FILIP1L: variants seen among roughly 807,000 people sequenced by gnomAD.
FILIP1L encodes the protein filamin A-interacting protein 1-like.
A neutral mutation model predicts 96.6 loss-of-function variants in FILIP1L; 55 were observed. That is an observed-to-expected ratio of 0.57 (90% CI 0.46 to 0.71). The LOEUF (loss-of-function observed/expected upper bound fraction) is 0.71. Among genes scored for constraint, FILIP1L ranks in the 30% least tolerant of loss-of-function variants. The probability of loss-of-function intolerance (pLI) is 0.00; values close to 1 mark genes in which losing one functional copy is unlikely to be tolerated. For missense variants in FILIP1L, 1,304 were observed against 1,321.2 expected (o/e 0.99, Z 0.20); for synonymous variants, 467 against 473.9 (o/e 0.99, Z 0.19).
Position 100,009,167 on chromosome 3 carries a change from C to T in FILIP1L, c.-10-78137G>A, listed in dbSNP as rs538620637. The stretch of plus-strand genomic sequence containing the variant: ...GTGCAAGTGACTGAACTTACTGAGG[C>T]CTGTTTCAATTTGATCACTCAAAGC... On this transcript the variant is annotated intron_variant, in intron 1 of 5. Coordinates refer to ENST00000477258, the MANE Select transcript of FILIP1L (RefSeq NM_001387850.1). 2.5e-4 allele frequency among the ~76,000 whole-genome samples: 38 copies of T among 152,262 alleles called. No individual in the cohort carries two copies. In the South Asian group the frequency reaches 6.8e-3, roughly 27 times the overall value.
At chr3:99,845,780 A>AC (rs1179187180) in intron 5 of FILIP1L, among the ~76,000 whole-genome samples, 4 of 152,114 alleles carry the variant, frequency 2.6e-5, no homozygotes, top group Admixed American at 6.5e-5. Flanking sequence ...CACTTGTAAT[A>AC]ATCTACACGT....
chr3:99,844,435 TTAA>T (rs772487157), intron 5 of FILIP1L, among the ~76,000 whole-genome samples: 3 of 152,170 alleles, frequency 2.0e-5, no homozygotes, highest in Non-Finnish European at 4.4e-5. Context: ...GAAAAAAATC[TTAA>T]TAACAGAAAC....
chr3:99,917,159 C>G (rs1331348264), intron 4 of FILIP1L, among the ~76,000 whole-genome samples: 2 of 152,112 alleles, frequency 1.3e-5, no homozygotes, highest in Non-Finnish European at 1.5e-5. Flanking sequence ...AGAGTATTTA[C>G]TGTATGTCCT....
chr3:99,939,119 T>G (rs914713586), intron 1 of FILIP1L, among the ~76,000 whole-genome samples: 6 of 152,212 alleles, frequency 3.9e-5, no homozygotes, highest in African/African-American at 1.4e-4. Flanking sequence ...TTCTAAGTCC[T>G]AAGAGAAAGT....
At chr3:99,964,319 C>T (rs1322214875) in intron 1 of FILIP1L, 1 of 149,660 alleles carries the variant, frequency 6.7e-6, no homozygotes, top group Admixed American at 6.6e-5. Context: ...TTCTCCCTAG[C>T]CCAGTACAAG....
chr3:99,979,918 G>A lies in FILIP1L; in HGVS notation c.-10-48888C>T, dbSNP rs188641263. ...AGCGGGACAAAGTGCTGTGAAGGGT[G>A]AGGTAGGAGAACTAATTTGTGGTTA... On this transcript the variant is annotated intron_variant, in intron 1 of 5. Transcript: ENST00000477258. Among the ~76,000 whole-genome samples, 565 of 152,324 alleles carry A rather than the reference G, an allele frequency of 3.7e-3. 3 individuals are homozygous for A. Among genetic ancestry groups the A allele is most frequent in the African/African-American group, 0.013 (537 of 41,570 alleles).
At chr3:99,910,866 TCAAA>T (rs577030088) in intron 4 of FILIP1L, among the ~76,000 whole-genome samples, 165 of 152,280 alleles carry the variant, frequency 1.1e-3, no homozygotes, top group African/African-American at 3.8e-3. Flanking sequence ...GGGCCCAAAC[TCAAA>T]CAATGGCCAA....
rs1490590619 is a variant in FILIP1L, at chr3:99,830,569, T to A, written c.3418A>T (p.Ile1140Phe). 4 of 456,576 alleles carry A rather than the reference T, an allele frequency of 8.8e-6. No homozygotes were observed. Among genetic ancestry groups the A allele is most frequent in the Non-Finnish European group, 1.8e-5 (4 of 226,976 alleles). The allele number at this position is 456,576 out of a possible 1,614,324, so 28.3% of individuals were successfully genotyped here. ...ATGCCTGTAGATTTCGGTTTAGGGA[T>A]CCGTGCTGGGATTCTCTGCTTGCAT... Reference protein sequence around the residue: ...EVCKQRIPARIPKPKSTGITK... With the variant: ...EVCKQRIPARFPKPKSTGITK... Residue 1140 changes from isoleucine to phenylalanine, a missense_variant, in exon 6 of 6, where the codon ATC becomes TTC. Ile to Phe is a conservative substitution (Grantham distance 21). Coordinates refer to ENST00000477258, the MANE Select transcript of FILIP1L (RefSeq NM_001387850.1).
chr3:99,989,250 G>A (rs1314785527), intron 1 of FILIP1L, among the ~76,000 whole-genome samples: 1 of 152,150 alleles, frequency 6.6e-6, no homozygotes, highest in East Asian at 1.9e-4. Flanking sequence ...TCTGATTCCT[G>A]CTTTATATGC....
rs1386773283 is a variant in FILIP1L, at chr3:100,066,605, C to T, written c.-11+47448G>A. Among the ~76,000 whole-genome samples the T allele has an allele frequency of 9.7e-4, 85 of 87,430 alleles. 9 individuals carry two copies. Among genetic ancestry groups the T allele is most frequent in the Non-Finnish European group, 2.0e-3 (79 of 39,364 alleles). 57.4% of individuals were successfully genotyped at this position (87,430 alleles called of 152,430 possible). A position where few individuals can be genotyped will look rare whatever the true frequency, so the allele number is the denominator to read the frequency against. Reference sequence around the variant, plus strand: ...GGAGTGCAGTGGCGGGATCTCGGCTCACTGCAAGCTCCGCCTCCCGGGTTC... The same window carrying T: ...GGAGTGCAGTGGCGGGATCTCGGCTTACTGCAAGCTCCGCCTCCCGGGTTC... On this transcript the variant is annotated intron_variant, in intron 1 of 5. Transcript: ENST00000477258.
At chr3:99,965,174 C>T (rs1708612140) in intron 1 of FILIP1L, among the ~76,000 whole-genome samples, 1 of 152,172 alleles carries the variant, frequency 6.6e-6, no homozygotes, top group Non-Finnish European at 1.5e-5. Flanking sequence ...CACTTAGTCC[C>T]CACTGTGAGA....
rs898757892 is a variant in FILIP1L at position 100,092,419 on chromosome 3, G to A, written c.-11+21634C>T. ...TAATAAGATTTGTTTTGAGTGAGAA[G>A]TTTGGCTTTTTTTTAACATGGAAAA... On this transcript the variant is annotated intron_variant, in intron 1 of 5. Transcript: ENST00000477258. Among the ~76,000 whole-genome samples the A allele has an allele frequency of 3.9e-5, 6 of 152,046 alleles. No individual in the cohort carries two copies. In the East Asian group the frequency reaches 1.2e-3, roughly 29 times the overall value.
At chr3:100,020,288 G>A (rs2064783950) in intron 1 of FILIP1L, among the ~76,000 whole-genome samples, 1 of 152,192 alleles carries the variant, frequency 6.6e-6, no homozygotes, top group South Asian at 2.1e-4. Context: ...TTTTCTAAAA[G>A]CTGTATTCTC....
intron 5 of FILIP1L, among the ~76,000 whole-genome samples, chr3:99,841,007 G>A (rs1379144259): frequency 1.3e-5 from 2 of 152,210 alleles, no homozygotes; most frequent in African/African-American, 2.4e-5. Context: ...AGGTTAATAA[G>A]CTCTTCAAGG....
At chr3:100,102,173 C>T (rs2066319896) in intron 1 of FILIP1L, among the ~76,000 whole-genome samples, 1 of 152,154 alleles carries the variant, frequency 6.6e-6, no homozygotes, top group Admixed American at 6.5e-5. Context: ...ATTTCTAGTT[C>T]TAGATCCCTG....
At chr3:100,002,565 T>C (rs559500741) in intron 1 of FILIP1L, among the ~76,000 whole-genome samples, 3 of 152,326 alleles carry the variant, frequency 2.0e-5, no homozygotes, top group South Asian at 2.1e-4. Flanking sequence ...CCTAGATAGC[T>C]GATAAAAAGT....
At chr3:99,977,731 G>A (rs73138628) in intron 1 of FILIP1L, among the ~76,000 whole-genome samples, 33 of 152,194 alleles carry the variant, frequency 2.2e-4, no homozygotes, top group South Asian at 1.2e-3. Context: ...TCATTTGGAT[G>A]GAGCATGACA....
At chr3:100,012,862 C>T (rs181805998) in intron 1 of FILIP1L, among the ~76,000 whole-genome samples, 6 of 151,448 alleles carry the variant, frequency 4.0e-5, no homozygotes, top group African/African-American at 1.5e-4. Context: ...CAGCTTCCAC[C>T]TCCCAGGCTC....
intron 4 of FILIP1L, among the ~76,000 whole-genome samples, chr3:99,889,007 C>T (rs1267296170): frequency 6.6e-6 from 1 of 152,114 alleles, no homozygotes; most frequent in Non-Finnish European, 1.5e-5. Context: ...TATCCTTTGA[C>T]ATTAAGGTTT....
Sources: gnomAD v4.1 joint callset for allele counts (sites outside exome capture counted in the v4.1 genomes callset) on GRCh38, gnomAD v4.1.1 for gene constraint, MANE v1.5 for transcripts, NCBI Gene and HGNC (gene_info 2026-07-23, HGNC 2026-07-21) for gene names.